Variants in CYTH2 observed in about 807,000 individuals in gnomAD.
The protein encoded by CYTH2 is cytohesin 2, also known as cytohesin-2.
CYTH2 carries 24 observed loss-of-function variants against 55.4 expected under a neutral mutation model. The observed-to-expected ratio is 0.43, with a 90% CI of 0.31 to 0.61. The LOEUF (loss-of-function observed/expected upper bound fraction) is 0.61. CYTH2 is among the 20% of genes least tolerant of loss of function. The probability of loss-of-function intolerance (pLI) is 0.08; values close to 1 mark genes in which losing one functional copy is unlikely to be tolerated. For missense variants in CYTH2, 378 were observed against 533.5 expected (o/e 0.71, Z 2.87); for synonymous variants, 221 against 209.6 (o/e 1.05, Z -0.47).
At chr19:48,471,931 C>T (rs754084851) in intron 3 of CYTH2, among the ~76,000 whole-genome samples, 19 of 152,086 alleles carry the variant, frequency 1.2e-4, no homozygotes, top group Non-Finnish European at 2.6e-4. Flanking sequence ...TGGGGCATGC[C>T]TATAGTCCCA....
Position 48,479,225 on chromosome 19 carries a change from C to G in CYTH2, c.*15C>G, listed in dbSNP as rs968725441. On this transcript the variant is annotated 3_prime_UTR_variant, in exon 12 of 12. Coordinates refer to ENST00000452733, the MANE Select transcript of CYTH2 (RefSeq NM_004228.7). ...AGCAGCCCTGACCCCCTGCCCCCAA[C>G]TCCATTATTTATTACGGAGCTGCCC... The G allele has an allele frequency of 1.9e-6, 3 of 1,613,976 alleles. No individual in the cohort carries two copies. Among genetic ancestry groups the G allele is most frequent in the African/African-American group, 2.7e-5 (2 of 75,054 alleles).
Position 48,470,133 on chromosome 19 carries a change from G to A in CYTH2, c.20-220G>A. On this transcript the variant is annotated intron_variant, in intron 1 of 11. Transcript: ENST00000452733. Reference sequence around the variant, plus strand: ...CATTCCCCTTCTCCCTCAGACTCAGGAATCCGGGCCCCAATTCCCCTTGTC... The same window carrying A: ...CATTCCCCTTCTCCCTCAGACTCAGAAATCCGGGCCCCAATTCCCCTTGTC... The A allele has an allele frequency of 4.0e-6, 3 of 750,890 alleles. 1 individual carries two copies. In the South Asian group the frequency reaches 4.4e-5, roughly 11 times the overall value. 46.5% of individuals were successfully genotyped at this position (750,890 alleles called of 1,614,324 possible). A position where few individuals can be genotyped will look rare whatever the true frequency, so the allele number is the denominator to read the frequency against.
chr19:48,472,681 G>A, intron 4 of CYTH2: 2 of 569,026 alleles, frequency 3.5e-6, no homozygotes, highest in South Asian at 1.9e-5. Flanking sequence ...TGGCAGTTGT[G>A]GGGAAGCATC....
intron 1 of CYTH2, 135 bp from the exon 2 acceptor site, chr19:48,470,217 GC>G: frequency 7.7e-7 from 1 of 1,299,822 alleles, no homozygotes; most frequent in Admixed American, 2.2e-5. Context: ...AGGAATCCAG[GC>G]CCCCAGCCCA....
In CYTH2 at chr19:48,480,292, G is replaced by C. The variant is rs1972024021; in HGVS notation, c.*1082G>C. On this transcript the variant is annotated 3_prime_UTR_variant, in exon 12 of 12. Coordinates refer to ENST00000452733, the MANE Select transcript of CYTH2 (RefSeq NM_004228.7). The stretch of plus-strand genomic sequence containing the variant: ...GCGCTCTTTAGTTAACAAACTACAA[G>C]TCCCAGCAGGGACCGGGACGCGGGT... 6.6e-6 allele frequency: 1 copy of C among 152,272 alleles called. No homozygotes were observed. Among genetic ancestry groups the C allele is most frequent in the Admixed American group, 6.5e-5 (1 of 15,290 alleles). The allele number at this position is 152,272 out of a possible 1,614,324, so 9.4% of individuals were successfully genotyped here.
intron 8 of CYTH2, 134 bp downstream of exon 8, chr19:48,475,083 C>A: frequency 1.3e-6 from 1 of 753,404 alleles, no homozygotes; most frequent in South Asian, 1.8e-5. Context: ...CTCAGTTTTC[C>A]ACACCCAAAA....
intron 4 of CYTH2, 36 bp downstream of exon 4, chr19:48,472,479 C>CCCCCCCCCCCCCG: frequency 1.3e-6 from 2 of 1,537,548 alleles, no homozygotes; most frequent in Non-Finnish European, 8.9e-7. Flanking sequence ...GGGCCCCTCC[C>CCCCCCCCCCCCCG]TCCCACCCCC....
At chr19:48,477,342 C>T (rs1971933925) in intron 8 of CYTH2, 1 of 152,402 alleles carries the variant, frequency 6.6e-6, no homozygotes, top group Non-Finnish European at 1.5e-5. Flanking sequence ...TCCTCCAGGG[C>T]AGAGGCACTT....
At chr19:48,473,417 C>T (rs1344399801) in intron 5 of CYTH2, 39 bp downstream of exon 5, 7 of 1,587,342 alleles carry the variant, frequency 4.4e-6, no homozygotes, top group South Asian at 1.1e-5. Flanking sequence ...CAGGAATGTA[C>T]CTGTCAGGGC....
In CYTH2 at chr19:48,478,158, C is replaced by T. The variant is rs1266741067; in HGVS notation, c.885+13C>T. 1.4e-5 allele frequency: 23 copies of T among 1,613,518 alleles called. No individual in the cohort carries two copies. Among genetic ancestry groups the T allele is most frequent in the Admixed American group, 1.2e-4 (7 of 59,984 alleles). ...TGAGTACACCACGGTGAGCGTGACC[C>T]GACCCGGGCTCTGGGGTCCTGGGCG... On this transcript the variant is annotated intron_variant, in intron 9 of 11. Coordinates refer to ENST00000452733, the MANE Select transcript of CYTH2 (RefSeq NM_004228.7).
Position 48,473,388 on chromosome 19 carries a change from G to C in CYTH2, c.434+10G>C. 6.2e-7 allele frequency: 1 copy of C among 1,613,946 alleles called. No individual in the cohort carries two copies. The highest frequency in any genetic ancestry group is 8.5e-7 in the Non-Finnish European group (1 of 1,179,860). On this transcript the variant is annotated intron_variant, in intron 5 of 11. Transcript: ENST00000452733. ...TGGTGCAGGCCCTCAGGTGAGTGAGGGGGAGGGGTTTGGAACGCCAGGAAT... is the reference window on the plus strand; with the variant it reads ...TGGTGCAGGCCCTCAGGTGAGTGAGCGGGAGGGGTTTGGAACGCCAGGAAT...
intron 4 of CYTH2, 34 bp downstream of exon 4, chr19:48,472,477 C>G: frequency 6.5e-7 from 1 of 1,531,084 alleles, no homozygotes; most frequent in East Asian, 2.4e-5. Flanking sequence ...TGGGGCCCCT[C>G]CCTCCCACCC....
At chr19:48,475,205 C>G (rs181562292) in intron 8 of CYTH2, 1 of 475,620 alleles carries the variant, frequency 2.1e-6, no homozygotes, top group Non-Finnish European at 3.7e-6. Flanking sequence ...TGTGCCAGGC[C>G]CTGAGCTGGG....
At position 48,474,717 on chromosome 19, in the gene CYTH2, C is replaced by A; in HGVS notation, c.697-121C>A. 1 of 812,322 alleles carries A rather than the reference C, an allele frequency of 1.2e-6. No homozygotes were observed. The highest frequency in any genetic ancestry group is 2.6e-5 in the East Asian group (1 of 38,468). The allele number at this position is 812,322 out of a possible 1,614,324, so 50.3% of individuals were successfully genotyped here. On this transcript the variant is annotated intron_variant, in intron 7 of 11. Coordinates refer to ENST00000452733, the MANE Select transcript of CYTH2 (RefSeq NM_004228.7). This position sits in a 1 kb window ranked among gnomAD's most constrained non-coding sequence, Gnocchi z 4.9. The stretch of plus-strand genomic sequence containing the variant: ...CTGCCTTTCACTTCCCTCTCCTCCC[C>A]ACTACCCCTCTCTCTTCCCCACTAT...
At chr19:48,469,996 C>G (rs760877595) in intron 1 of CYTH2, 2 of 563,664 alleles carry the variant, frequency 3.5e-6, no homozygotes, top group South Asian at 3.1e-5. Context: ...TCCCCAGCTA[C>G]CTCGCCAGTA....
chr19:48,481,536 G>A lies in CYTH2; in HGVS notation c.*2326G>A, dbSNP rs1972044926. The stretch of plus-strand genomic sequence containing the variant: ...TTTTGTTTTGTTTTGTTTTTGAGAG[G>A]GAGTCTCACTTTGTGCCCTAGACTG... On this transcript the variant is annotated 3_prime_UTR_variant, in exon 12 of 12. Coordinates refer to ENST00000452733, the MANE Select transcript of CYTH2 (RefSeq NM_004228.7). 1 of 180,424 alleles carries A rather than the reference G, an allele frequency of 5.5e-6. No homozygotes were observed. The highest frequency in any genetic ancestry group is 1.2e-5 in the Non-Finnish European group (1 of 86,884). The allele number at this position is 180,424 out of a possible 1,614,324, so 11.2% of individuals were successfully genotyped here.
chr19:48,471,816 G>C (rs981017844), intron 3 of CYTH2, among the ~76,000 whole-genome samples: 1 of 152,316 alleles, frequency 6.6e-6, no homozygotes, highest in East Asian at 1.9e-4. Context: ...TTGAGAGGCC[G>C]AGGAGGGAGG....
At chr19:48,476,700 A>G (rs1474431925) in intron 8 of CYTH2, 2 of 152,052 alleles carry the variant, frequency 1.3e-5, no homozygotes, top group Non-Finnish European at 2.9e-5. Flanking sequence ...ACATGGTGAA[A>G]CCCCGTCTCT....
chr19:48,474,795 G>C lies in CYTH2; in HGVS notation c.697-43G>C. On this transcript the variant is annotated intron_variant, in intron 7 of 11. Transcript: ENST00000452733. The surrounding 1 kb of genome is among the most constrained non-coding windows in gnomAD (Gnocchi z 4.9). ...CCCCCACCCTGAGTAACCCTGGGGGGCCCCAGGGGGCTCGAATGGCTAATG... is the reference window on the plus strand; with the variant it reads ...CCCCCACCCTGAGTAACCCTGGGGGCCCCCAGGGGGCTCGAATGGCTAATG... 6.3e-7 allele frequency: 1 copy of C among 1,594,142 alleles called. No homozygotes were observed. Among genetic ancestry groups the C allele is most frequent in the Non-Finnish European group, 8.6e-7 (1 of 1,163,082 alleles).
Sources: allele counts gnomAD v4.1 joint callset (sites outside exome capture counted in the v4.1 genomes callset), GRCh38; gene constraint gnomAD v4.1.1; non-coding constraint Gnocchi (gnomAD v3.1); transcripts MANE v1.5; gene names NCBI Gene and HGNC (gene_info 2026-07-23, HGNC 2026-07-21).